ALG9: variants seen among roughly 807,000 people sequenced by gnomAD.
ALG9 encodes the protein alpha-1,2-mannosyltransferase ALG9.
Under a neutral mutation model 81.8 loss-of-function variants are expected in ALG9, and 55 were observed. The ratio of observed to expected loss-of-function variants is 0.67; its 90% CI spans 0.54 to 0.84. ALG9 has a LOEUF of 0.84. Ranked by LOEUF, ALG9 falls within the 40% of genes least tolerant of loss-of-function variation. ALG9 has a pLI of 0.00. For synonymous variants in ALG9, 278 were observed against 274.3 expected, an observed-to-expected ratio of 1.01 and a Z score of -0.13; for missense variants, 629 against 745.0, an observed-to-expected ratio of 0.84 and a Z score of 1.81.
chr11:111,817,777 CT>C (rs530765413), intron 13 of ALG9, among the ~76,000 whole-genome samples: 1,809 of 132,358 alleles, frequency 0.014, 22 homozygotes, highest in African/African-American at 0.041. Context: ...ACTTGTATTT[CT>C]TTTTTTTTTT....
chr11:111,787,152 C>T (rs1407098918), intron 14 of ALG9, among the ~76,000 whole-genome samples: 2 of 152,238 alleles, frequency 1.3e-5, no homozygotes, highest in Middle Eastern at 3.4e-3. Context: ...TATTATCGGC[C>T]GGGTGCACTG....
At chr11:111,780,159 C>T (rs797026288), downstream of ALG9, among the ~76,000 whole-genome samples, 1 of 152,116 alleles carries the variant, frequency 6.6e-6, no homozygotes, top group East Asian at 1.9e-4. Flanking sequence ...GGCTTTCTGA[C>T]CCAAACTTGT....
chr11:111,852,482 C>T (rs7350509), intron 8 of ALG9, among the ~76,000 whole-genome samples: 10,503 of 152,196 alleles, frequency 0.069, 541 homozygotes, highest in Middle Eastern at 0.11. Context: ...TCTCTCTTAA[C>T]CCTAAGCTGG....
At chr11:111,834,195 G>C (rs1444969013) in intron 13 of ALG9, among the ~76,000 whole-genome samples, 1 of 152,212 alleles carries the variant, frequency 6.6e-6, no homozygotes, top group Non-Finnish European at 1.5e-5. Flanking sequence ...ACACTTAAAG[G>C]AAGGTCTGCT....
At chr11:111,778,792 A>T (rs1451193348), downstream of ALG9, among the ~76,000 whole-genome samples, 2 of 150,782 alleles carry the variant, frequency 1.3e-5, no homozygotes, top group Middle Eastern at 3.4e-3. Context: ...GGTCAACCAG[A>T]TAGTGGCAAT....
intron 13 of ALG9, among the ~76,000 whole-genome samples, chr11:111,813,183 C>A (rs1336627244): frequency 2.0e-5 from 3 of 151,882 alleles, no homozygotes; most frequent in East Asian, 1.9e-4. Context: ...ATAAAGCTCT[C>A]GGAATATAAT....
chr11:111,822,465 A>T (rs1009107262), intron 13 of ALG9, among the ~76,000 whole-genome samples: 6 of 150,210 alleles, frequency 4.0e-5, no homozygotes, highest in African/African-American at 7.4e-5. Context: ...TAATTGTAAC[A>T]CTTTGGGAGG....
At chr11:111,801,968 C>T (rs1031036081) in intron 14 of ALG9, among the ~76,000 whole-genome samples, 16 of 152,328 alleles carry the variant, frequency 1.1e-4, no homozygotes, top group African/African-American at 2.9e-4. Flanking sequence ...CCAAAGAACA[C>T]GTGTGATTCT....
chr11:111,853,481 G>A lies in ALG9; in HGVS notation c.794C>T (p.Pro265Leu), dbSNP rs782583167. 3 of 1,612,952 alleles carry A rather than the reference G, an allele frequency of 1.9e-6. No homozygotes were observed. In the Admixed American group the frequency reaches 5.0e-5, roughly 27 times the overall value. ...SLMALILFLV[P>L]VVVIDSYYYG... ...ATAGTAGCTGTCAATGACCACCACA[G>A]GCACCTAAAACAGAGCAGAAAATAG... Residue 265 changes from proline to leucine, a missense_variant, in exon 8 of 15, where the codon CCT becomes CTT. Coordinates refer to ENST00000616540, the MANE Select transcript of ALG9 (RefSeq NM_024740.2).
chr11:111,817,928 G>A (rs1406873365), intron 13 of ALG9, among the ~76,000 whole-genome samples: 1 of 151,868 alleles, frequency 6.6e-6, no homozygotes. Flanking sequence ...ACAGGGGCCC[G>A]CCACCACGGC....
At chr11:111,859,658 G>A (rs920700703) in intron 5 of ALG9, among the ~76,000 whole-genome samples, 1 of 152,116 alleles carries the variant, frequency 6.6e-6, no homozygotes, top group East Asian at 1.9e-4. Context: ...AGGGGGCAGA[G>A]GAATCTGAGG....
intron 14 of ALG9, among the ~76,000 whole-genome samples, chr11:111,802,792 T>A (rs1421036175): frequency 3.3e-5 from 5 of 152,216 alleles, no homozygotes; most frequent in Admixed American, 3.3e-4. Context: ...TCCAACGGAT[T>A]CTGGATCCTG....
At chr11:111,842,734 T>TA (rs1956413701) in intron 9 of ALG9, among the ~76,000 whole-genome samples, 1 of 151,968 alleles carries the variant, frequency 6.6e-6, no homozygotes, top group Non-Finnish European at 1.5e-5. Context: ...TTTTTTCTCT[T>TA]AAAAAAGTAT....
intron 9 of ALG9, among the ~76,000 whole-genome samples, chr11:111,844,360 T>C (rs146066653): frequency 2.6e-3 from 400 of 152,318 alleles, no homozygotes; most frequent in African/African-American, 9.0e-3. Flanking sequence ...TAAATTATAT[T>C]GACTTCCTCA....
At chr11:111,817,777 CTTT>C (rs530765413) in intron 13 of ALG9, among the ~76,000 whole-genome samples, 5 of 132,386 alleles carry the variant, frequency 3.8e-5, no homozygotes, top group Admixed American at 7.6e-5. Context: ...ACTTGTATTT[CTTT>C]TTTTTTTTTT....
At chr11:111,867,249 T>G (rs911630524) in intron 3 of ALG9, among the ~76,000 whole-genome samples, 1 of 152,212 alleles carries the variant, frequency 6.6e-6, no homozygotes, top group Non-Finnish European at 1.5e-5. Flanking sequence ...CTGAAAACCT[T>G]GCAGTGGCTT....
At chr11:111,814,648 T>C (rs1416901659) in intron 13 of ALG9, 1 of 152,178 alleles carries the variant, frequency 6.6e-6, no homozygotes, top group Non-Finnish European at 1.5e-5. Context: ...AATGTTCTCA[T>C]TCTCTCCCAG....
At chr11:111,871,123 T>G in intron 1 of ALG9, 1 of 1,253,556 alleles carries the variant, frequency 8.0e-7, no homozygotes, top group East Asian at 3.5e-5. Context: ...GCATCACAGA[T>G]CCGCACTCCA....
intron 13 of ALG9, among the ~76,000 whole-genome samples, chr11:111,829,687 G>A (rs1014092181): frequency 2.0e-5 from 3 of 152,192 alleles, no homozygotes; most frequent in Non-Finnish European, 4.4e-5. Flanking sequence ...GGGGAAGAGT[G>A]AGCTAAGGAG....
Sources: gnomAD v4.1 joint callset for allele counts (sites outside exome capture counted in the v4.1 genomes callset) on GRCh38, gnomAD v4.1.1 for gene constraint, MANE v1.5 for transcripts, NCBI Gene and HGNC (gene_info 2026-07-23, HGNC 2026-07-21) for gene names.